Variants in CCDC91 observed in about 807,000 individuals in gnomAD.
The protein encoded by CCDC91 is coiled-coil domain-containing protein 91.
A neutral mutation model predicts 63.2 loss-of-function variants in CCDC91; 48 were observed. The ratio of observed to expected loss-of-function variants is 0.76; its 90% CI spans 0.60 to 0.97. The LOEUF (loss-of-function observed/expected upper bound fraction) is 0.97. Among genes scored for constraint, CCDC91 ranks in the 50% least tolerant of loss-of-function variants. The pLI is 0.00. For synonymous variants in CCDC91, 167 were observed against 165.8 expected (o/e 1.01, Z -0.06); for missense variants, 500 against 494.6 (o/e 1.01, Z -0.10).
At chr12:28,491,494 C>A (rs1452676922) in intron 12 of CCDC91, among the ~76,000 whole-genome samples, 1 of 151,602 alleles carries the variant, frequency 6.6e-6, no homozygotes, top group Non-Finnish European at 1.5e-5. Context: ...GAATAAAGAC[C>A]AAATGCATTA....
intron 6 of CCDC91, among the ~76,000 whole-genome samples, chr12:28,361,158 TTTTTTAAA>T (rs1291229642): frequency 4.0e-5 from 6 of 151,728 alleles, no homozygotes; most frequent in Non-Finnish European, 8.8e-5. Context: ...ATTTATCATC[TTTTTTAAA>T]TTTTTAAATT....
At chr12:28,267,952 T>C (rs1311853484) in intron 3 of CCDC91, among the ~76,000 whole-genome samples, 2 of 102,934 alleles carry the variant, frequency 1.9e-5, no homozygotes. Context: ...ATAATTATTA[T>C]ATATAATTAT....
chr12:28,242,578 G>A (rs1427154284), intron 1 of CCDC91, among the ~76,000 whole-genome samples: 1 of 151,734 alleles, frequency 6.6e-6, no homozygotes, highest in Non-Finnish European at 1.5e-5. Flanking sequence ...TGGGTGGGGA[G>A]AGAGAGAGAG....
intron 6 of CCDC91, among the ~76,000 whole-genome samples, chr12:28,332,325 A>G (rs1206264583): frequency 1.3e-5 from 2 of 152,180 alleles, no homozygotes; most frequent in African/African-American, 4.8e-5. Context: ...GCGATTTAAG[A>G]GTGACTTTCA....
intron 12 of CCDC91, among the ~76,000 whole-genome samples, chr12:28,547,809 C>G (rs2141891511): frequency 6.6e-6 from 1 of 152,106 alleles, no homozygotes; most frequent in Admixed American, 6.6e-5. Context: ...TTTTAGTCAT[C>G]CAATTTTTCA....
chr12:28,212,582 A>T (rs896326004), intron 1 of CCDC91, among the ~76,000 whole-genome samples: 1 of 152,078 alleles, frequency 6.6e-6, no homozygotes, highest in African/African-American at 2.4e-5. Flanking sequence ...ATCCACAAGG[A>T]CTCAGATATA....
intron 12 of CCDC91, among the ~76,000 whole-genome samples, chr12:28,520,959 G>T (rs1296527101): frequency 1.3e-5 from 2 of 152,140 alleles, no homozygotes; most frequent in Non-Finnish European, 2.9e-5. Flanking sequence ...GTACCATGCT[G>T]TTTTGGTTAC....
In CCDC91 at chr12:28,417,638, T is replaced by TAC. The variant is rs1254481616; in HGVS notation, c.762+26228_762+26229insCA. On this transcript the variant is annotated intron_variant, in intron 8 of 12. Coordinates refer to ENST00000536442, the MANE Select transcript of CCDC91 (RefSeq NM_018318.5). ...CCTTTGAGATATATATATATATATA[T>TAC]ATACACACACACACACATTGTTAAA... Among the ~76,000 whole-genome samples, 8 of 120,238 alleles carry TAC rather than the reference T, an allele frequency of 6.7e-5. No homozygotes were observed. In the East Asian group the frequency reaches 1.0e-3, roughly 16 times the overall value. 78.9% of individuals were successfully genotyped at this position (120,238 alleles called of 152,430 possible).
At chr12:28,363,892 A>G (rs557064811) in intron 7 of CCDC91, among the ~76,000 whole-genome samples, 30 of 149,818 alleles carry the variant, frequency 2.0e-4, no homozygotes, top group East Asian at 3.9e-4. Flanking sequence ...AAAAAAAAAA[A>G]AAAAAAGAAA....
chr12:28,322,187 A>T (rs1940573648), intron 6 of CCDC91, among the ~76,000 whole-genome samples: 1 of 151,886 alleles, frequency 6.6e-6, no homozygotes, highest in South Asian at 2.1e-4. Flanking sequence ...TATGTTACCT[A>T]CTCCATCTGC....
chr12:28,310,050 G>A (rs566631891), intron 6 of CCDC91, among the ~76,000 whole-genome samples: 29 of 152,108 alleles, frequency 1.9e-4, no homozygotes, highest in African/African-American at 6.3e-4. Flanking sequence ...AATACTGTTG[G>A]ATGAATTGAA....
rs1428968378 is a variant in CCDC91 at position 28,316,043 on chromosome 12, A to G, written c.576+8294A>G. On this transcript the variant is annotated intron_variant, in intron 6 of 12. Transcript: ENST00000536442. ...CATAAAACATTGCTGTCAAAGTCTA[A>G]TAGCAATCTAATTCTTTTTCCAGTT... Among the ~76,000 whole-genome samples the G allele has an allele frequency of 2.0e-5, 3 of 151,968 alleles. No individual in the cohort carries two copies. In the East Asian group the frequency reaches 5.8e-4, roughly 29 times the overall value.
chr12:28,486,140 C>G (rs948336153), intron 12 of CCDC91, among the ~76,000 whole-genome samples: 3 of 152,108 alleles, frequency 2.0e-5, no homozygotes, highest in African/African-American at 7.2e-5. Context: ...TTTCCTGTTT[C>G]TCTCTAACCC....
intron 6 of CCDC91, among the ~76,000 whole-genome samples, chr12:28,333,431 A>T (rs1161007627): frequency 5.3e-5 from 8 of 151,612 alleles, no homozygotes; most frequent in African/African-American, 1.5e-4. Flanking sequence ...TAAACAATAA[A>T]TTTTTTTTCC....
chr12:28,529,029 A>G (rs914224490), intron 12 of CCDC91, among the ~76,000 whole-genome samples: 3 of 152,064 alleles, frequency 2.0e-5, no homozygotes, highest in Middle Eastern at 3.2e-3. Flanking sequence ...GTATGTATAT[A>G]TATATAAAAG....
chr12:28,539,880 A>G (rs1942499121), intron 12 of CCDC91, among the ~76,000 whole-genome samples: 1 of 152,160 alleles, frequency 6.6e-6, no homozygotes, highest in South Asian at 2.1e-4. Context: ...TCATCACTGT[A>G]AAATCCTGAA....
chr12:28,501,023 A>G (rs1346148430), intron 12 of CCDC91, among the ~76,000 whole-genome samples: 1 of 151,706 alleles, frequency 6.6e-6, no homozygotes, highest in Non-Finnish European at 1.5e-5. Flanking sequence ...AAGAGTTACC[A>G]CCATTTGCTG....
At chr12:28,315,977 ATTCT>A (rs1939821196) in intron 6 of CCDC91, among the ~76,000 whole-genome samples, 1 of 152,038 alleles carries the variant, frequency 6.6e-6, no homozygotes, top group African/African-American at 2.4e-5. Context: ...AGAAATTCCT[ATTCT>A]TTCTATGAAC....
At chr12:28,420,761 T>G (rs1397804754) in intron 8 of CCDC91, among the ~76,000 whole-genome samples, 1 of 152,030 alleles carries the variant, frequency 6.6e-6, no homozygotes. Flanking sequence ...TTTATGGTTT[T>G]TTTTTTTTCA....
Sources: gnomAD v4.1 joint callset for allele counts (sites outside exome capture counted in the v4.1 genomes callset) on GRCh38, gnomAD v4.1.1 for gene constraint, MANE v1.5 for transcripts, NCBI Gene and HGNC (gene_info 2026-07-23, HGNC 2026-07-21) for gene names.